FNTA: variants seen among roughly 807,000 people sequenced by gnomAD.
FNTA encodes the protein farnesyltransferase, CAAX box, subunit alpha.
FNTA carries 27 observed loss-of-function variants against 55.2 expected under a neutral mutation model. The observed-to-expected ratio is 0.49, with a 90% confidence interval of 0.36 to 0.67. FNTA has a LOEUF of 0.67. FNTA is among the 30% of genes least tolerant of loss of function. FNTA has a pLI of 0.00. For synonymous variants in FNTA, 176 were observed against 170.7 expected, an observed-to-expected ratio of 1.03 and a Z score of -0.24; for missense variants, 422 against 464.7, an observed-to-expected ratio of 0.91 and a Z score of 0.85.
rs771159349 is a variant in FNTA at position 43,085,284 on chromosome 8, A to G, written c.*2A>G. 2 of 1,601,084 alleles carry G rather than the reference A, an allele frequency of 1.2e-6. No homozygotes were observed. Among genetic ancestry groups the G allele is most frequent in the Admixed American group, 3.6e-5 (2 of 56,206 alleles). On this transcript the variant is annotated 3_prime_UTR_variant, in exon 9 of 9. Coordinates refer to ENST00000302279, the MANE Select transcript of FNTA (RefSeq NM_002027.3). ...TCACCAACAAATGTACAGCAATAAC[A>G]CCATCCAGAAGAACTTGATGGAATG...
intron 1 of FNTA, 163 bp from the exon 2 acceptor site, chr8:43,058,927 CAT>C (rs1230642788): frequency 2.0e-5 from 10 of 488,912 alleles, no homozygotes; most frequent in Admixed American, 3.9e-5. Flanking sequence ...ATGTGTAAAA[CAT>C]ATTGGCAAAA....
chr8:43,075,016 C>T (rs534245539), intron 5 of FNTA, among the ~76,000 whole-genome samples: 1 of 152,190 alleles, frequency 6.6e-6, no homozygotes, highest in Non-Finnish European at 1.5e-5. Flanking sequence ...AGATGTTTAC[C>T]ATTTGGGGAA....
intron 6 of FNTA, chr8:43,078,622 C>G (rs1810961358): frequency 6.6e-6 from 1 of 152,368 alleles, no homozygotes; most frequent in African/African-American, 2.4e-5. Flanking sequence ...GTTCCACCAT[C>G]TCTCTCCCTC....
intron 6 of FNTA, chr8:43,079,978 G>A (rs1810991548): frequency 6.6e-6 from 1 of 152,508 alleles, no homozygotes; most frequent in African/African-American, 2.4e-5. Context: ...GCCTGAAGAT[G>A]TGACCGAACT....
chr8:43,062,522 T>C (rs1563325861), intron 2 of FNTA, among the ~76,000 whole-genome samples: 1 of 152,162 alleles, frequency 6.6e-6, no homozygotes, highest in Non-Finnish European at 1.5e-5. Flanking sequence ...CCTCAAGTGA[T>C]CCTCCCACCT....
At chr8:43,060,817 AG>A (rs745996794) in intron 2 of FNTA, among the ~76,000 whole-genome samples, 72 of 152,200 alleles carry the variant, frequency 4.7e-4, no homozygotes, top group Non-Finnish European at 9.3e-4. Flanking sequence ...AGAAACCATG[AG>A]CAAGTTAAAA....
At chr8:43,069,476 A>C in intron 3 of FNTA, 79 bp from the exon 4 acceptor site, 1 of 889,664 alleles carries the variant, frequency 1.1e-6, no homozygotes, top group Non-Finnish European at 1.8e-6. Context: ...TGTATTGCTG[A>C]CTTGTAGCTG....
chr8:43,076,206 G>A (rs1289905223), intron 5 of FNTA, among the ~76,000 whole-genome samples: 1 of 151,870 alleles, frequency 6.6e-6, no homozygotes, highest in Non-Finnish European at 1.5e-5. Context: ...ATCACACCCG[G>A]CTAATTTTTG....
chr8:43,068,040 C>T (rs1810701538), intron 3 of FNTA, among the ~76,000 whole-genome samples: 1 of 152,332 alleles, frequency 6.6e-6, no homozygotes, highest in Admixed American at 6.5e-5. Flanking sequence ...GCTGGGACTA[C>T]AGGCGCATGC....
chr8:43,073,810 G>A (rs1420948657), intron 5 of FNTA, among the ~76,000 whole-genome samples: 1 of 152,106 alleles, frequency 6.6e-6, no homozygotes, highest in Non-Finnish European at 1.5e-5. Context: ...ATCCCAAAAT[G>A]CACAGGACAG....
chr8:43,062,673 C>G (rs963303731), intron 2 of FNTA, among the ~76,000 whole-genome samples: 10 of 152,196 alleles, frequency 6.6e-5, no homozygotes, highest in Admixed American at 3.9e-4. Flanking sequence ...GTGTCTGATA[C>G]TTTCAGTGTT....
At position 43,059,191 on chromosome 8, in the gene FNTA, T is replaced by C; in HGVS notation, c.286+14T>C. 1 of 1,589,060 alleles carries C rather than the reference T, an allele frequency of 6.3e-7. No homozygotes were observed. Among genetic ancestry groups the C allele is most frequent in the Non-Finnish European group, 8.6e-7 (1 of 1,161,508 alleles). On this transcript the variant is annotated intron_variant, in intron 2 of 8. Coordinates refer to ENST00000302279, the MANE Select transcript of FNTA (RefSeq NM_002027.3). ...ATAGTGACAAATGTAAGTTTGTTTA[T>C]ATTAGGAAAAGGTCTGTAAGTTAAA...
intron 1 of FNTA, 164 bp downstream of exon 1, chr8:43,056,710 C>CG (rs1810414247): frequency 7.1e-6 from 2 of 279,982 alleles, no homozygotes; most frequent in South Asian, 3.0e-4. Context: ...GGGACGTCGC[C>CG]GCTTCCCAGG....
intron 2 of FNTA, 76 bp from the exon 3 acceptor site, chr8:43,064,025 G>A (rs926819373): frequency 3.4e-6 from 3 of 873,574 alleles, no homozygotes; most frequent in African/African-American, 1.7e-5. Context: ...TATCTTTATA[G>A]GTATAGTGAC....
chr8:43,074,948 G>A (rs1455046547), intron 5 of FNTA, among the ~76,000 whole-genome samples: 3 of 152,152 alleles, frequency 2.0e-5, no homozygotes, highest in Non-Finnish European at 2.9e-5. Flanking sequence ...AAGGTGAGCG[G>A]TTCCATTAAC....
chr8:43,085,309 G>A lies in FNTA; in HGVS notation c.*27G>A. The stretch of plus-strand genomic sequence containing the variant: ...ACCATCCAGAAGAACTTGATGGAAT[G>A]CTTTTATTTTTTATTAAGGGACCCT... On this transcript the variant is annotated 3_prime_UTR_variant, in exon 9 of 9. Coordinates refer to ENST00000302279, the MANE Select transcript of FNTA (RefSeq NM_002027.3). The A allele has an allele frequency of 6.3e-7, 1 of 1,595,116 alleles. No individual in the cohort carries two copies. Among genetic ancestry groups the A allele is most frequent in the Non-Finnish European group, 8.5e-7 (1 of 1,175,006 alleles).
chr8:43,066,941 C>T (rs1810674517), intron 3 of FNTA, among the ~76,000 whole-genome samples: 1 of 152,164 alleles, frequency 6.6e-6, no homozygotes, highest in Non-Finnish European at 1.5e-5. Context: ...GGGTGTTAGG[C>T]AGGGGAAGAT....
chr8:43,056,675 A>C (rs561379127), intron 1 of FNTA, 129 bp downstream of exon 1: 8 of 508,602 alleles, frequency 1.6e-5, no homozygotes, highest in Non-Finnish European at 1.7e-5. Context: ...GGGCCGGTGC[A>C]TGGCGCTGGG....
At chr8:43,064,408 G>A (rs1000012828) in intron 3 of FNTA, among the ~76,000 whole-genome samples, 193 bp downstream of exon 3, 1 of 151,996 alleles carries the variant, frequency 6.6e-6, no homozygotes, top group Non-Finnish European at 1.5e-5. Flanking sequence ...TGCCTCCTGG[G>A]TTCAAGTGAT....
Sources: gnomAD v4.1 joint callset for allele counts (sites outside exome capture counted in the v4.1 genomes callset) on GRCh38, gnomAD v4.1.1 for gene constraint, MANE v1.5 for transcripts, NCBI Gene and HGNC (gene_info 2026-07-23, HGNC 2026-07-21) for gene names.